The following FRRS1L variants were observed in gnomAD, a reference collection of about 807,000 sequenced individuals.
The protein encoded by FRRS1L is DOMON domain-containing protein FRRS1L.
FRRS1L carries 22 observed loss-of-function variants against 28.6 expected under a neutral mutation model. The observed-to-expected ratio is 0.77, with a 90% CI of 0.55 to 1.10. The LOEUF (loss-of-function observed/expected upper bound fraction) is 1.10, where lower values mean the gene tolerates loss of function less well. Ranked by LOEUF, FRRS1L falls within the 50% of genes least tolerant of loss-of-function variation. The pLI, the probability that FRRS1L is intolerant of heterozygous loss-of-function variation, is 0.00. For missense variants in FRRS1L, 380 were observed against 386.9 expected (o/e 0.98, Z 0.15); for synonymous variants, 158 against 151.4 (o/e 1.04, Z -0.32).
At chr9:109,138,444 G>A (rs1463400002) in intron 4 of FRRS1L, 2 of 152,166 alleles carry the variant, frequency 1.3e-5, no homozygotes, top group East Asian at 3.8e-4. Context: ...CAGTGCAAAG[G>A]TCTCCTTAGG....
chr9:109,161,586 T>C (rs1203606407), intron 1 of FRRS1L, among the ~76,000 whole-genome samples: 1 of 152,212 alleles, frequency 6.6e-6, no homozygotes, highest in Non-Finnish European at 1.5e-5. Context: ...CAATTGGGCT[T>C]TGTGGTTTCC....
intron 1 of FRRS1L, among the ~76,000 whole-genome samples, chr9:109,163,991 C>CT (rs996632629): frequency 6.6e-5 from 10 of 152,194 alleles, no homozygotes; most frequent in African/African-American, 2.4e-4. Context: ...GAAACAGGCT[C>CT]TTTTCCTTTG....
intron 1 of FRRS1L, among the ~76,000 whole-genome samples, chr9:109,164,052 C>A (rs947082774): frequency 3.3e-5 from 5 of 152,160 alleles, no homozygotes; most frequent in Admixed American, 2.0e-4. Flanking sequence ...CTCTGGCAAC[C>A]CCTCCTCAGC....
intron 1 of FRRS1L, among the ~76,000 whole-genome samples, chr9:109,155,018 C>T (rs989392900): frequency 2.6e-5 from 4 of 152,184 alleles, no homozygotes; most frequent in African/African-American, 7.2e-5. Flanking sequence ...TACCAAACTG[C>T]CTTCAGCAGA....
chr9:109,154,066 C>T (rs1184384904), intron 1 of FRRS1L, among the ~76,000 whole-genome samples: 1 of 152,212 alleles, frequency 6.6e-6, no homozygotes, highest in Non-Finnish European at 1.5e-5. Context: ...CTACTTCATC[C>T]TGGCAGTTGG....
Position 109,130,734 on chromosome 9 carries a change from A to G in FRRS1L, c.*6721T>C, listed in dbSNP as rs1359845271. ...TGGAGCCAGATTGTTCCAGCATATC[A>G]GCATGTCTGTGGAAATAAGGCATCC... On this transcript the variant is annotated 3_prime_UTR_variant, in exon 5 of 5. Transcript: ENST00000561981. 6.6e-6 allele frequency: 1 copy of G among 152,236 alleles called. No individual in the cohort carries two copies. Among genetic ancestry groups the G allele is most frequent in the African/African-American group, 2.4e-5 (1 of 41,470 alleles). 9.4% of individuals were successfully genotyped at this position (152,236 alleles called of 1,614,324 possible). A position where few individuals can be genotyped will look rare whatever the true frequency, so the allele number is the denominator to read the frequency against.
At chr9:109,140,954 C>T (rs1831176763) in intron 4 of FRRS1L, 3 of 199,250 alleles carry the variant, frequency 1.5e-5, no homozygotes, top group East Asian at 2.3e-4. Context: ...TAGCCTTGAC[C>T]AAGTTTCTTA....
At position 109,166,973 on chromosome 9, in the gene FRRS1L, C is replaced by A; in HGVS notation, c.166G>T (p.Val56Leu). 1 of 1,316,774 alleles carries A rather than the reference C, an allele frequency of 7.6e-7. No individual in the cohort carries two copies. The allele number at this position is 1,316,774 out of a possible 1,614,324, so 81.6% of individuals were successfully genotyped here. ...CCGTAGGAGGAGTCGTGGCGCGGCA[C>A]CGCCTCGTCGGCGCCCGTGTCCCCC... ...ARGDTGADEAVPRHDSSYGTF... is the reference protein window; with the variant it reads ...ARGDTGADEALPRHDSSYGTF... The change falls in exon 1 of 5, where the codon GTG (valine) becomes TTG (leucine). Residue 56 changes from valine (V) to leucine (L), a missense_variant. Val to Leu is a conservative substitution (Grantham distance 32). Transcript: ENST00000561981.
intron 3 of FRRS1L, 54 bp downstream of exon 3, chr9:109,146,997 T>G: frequency 1.3e-6 from 2 of 1,534,650 alleles, no homozygotes; most frequent in Non-Finnish European, 1.8e-6. Context: ...AAAATCAAAA[T>G]AGCACAGCCA....
At chr9:109,151,799 C>T (rs1588101043) in intron 1 of FRRS1L, 1 of 152,796 alleles carries the variant, frequency 6.5e-6, no homozygotes. Context: ...AGACTGAGTC[C>T]TGACTTGAAC....
Position 109,166,939 on chromosome 9 carries a change from G to T in FRRS1L, c.200C>A (p.Ala67Glu). 1.5e-6 allele frequency: 2 copies of T among 1,298,878 alleles called. No homozygotes were observed. The allele number at this position is 1,298,878 out of a possible 1,614,324, so 80.5% of individuals were successfully genotyped here. ...GTAGCGCAGGTCGTAGAACTCCCCC[G>T]CGAAGGTGCCGTAGGAGGAGTCGTG... is the stretch of plus-strand genomic sequence containing the variant. ...PRHDSSYGTF[A>E]GEFYDLRYLS... The change falls in exon 1 of 5, where the codon GCG (alanine) becomes GAG (glutamate). Residue 67 changes from alanine (A) to glutamate (E), a missense_variant. Physicochemically the swap from Ala to Glu is moderately radical, Grantham distance 107. Transcript: ENST00000561981.
chr9:109,145,903 T>C (rs1831253839), intron 3 of FRRS1L, among the ~76,000 whole-genome samples: 1 of 152,038 alleles, frequency 6.6e-6, no homozygotes, highest in African/African-American at 2.4e-5. Flanking sequence ...TCATAATAAA[T>C]GAGTAAAGTA....
chr9:109,164,828 C>T lies in FRRS1L; in HGVS notation c.238+2073G>A, dbSNP rs186087348. Among the ~76,000 whole-genome samples, 254 of 152,346 alleles carry T rather than the reference C, an allele frequency of 1.7e-3. 1 individual carries two copies. The highest frequency in any genetic ancestry group is 5.8e-3 in the African/African-American group (241 of 41,582). On this transcript the variant is annotated intron_variant, in intron 1 of 4. Transcript: ENST00000561981. ...GATCGGTACAAAGCCCTGCTGCCTG[C>T]TATGTGATCACCTCACCTAAATGCC...
In FRRS1L at chr9:109,166,966, C is replaced by G. The variant is rs2118522984; in HGVS notation, c.173G>C (p.Arg58Pro). The part of the protein sequence containing the change: ...GDTGADEAVP[R>P]HDSSYGTFAG... ...GAAGGTGCCGTAGGAGGAGTCGTGG[C>G]GCGGCACCGCCTCGTCGGCGCCCGT... Residue 58 changes from arginine to proline, a missense_variant, in exon 1 of 5, where the codon CGC becomes CCC. Physicochemically the swap from Arg to Pro is moderately radical, Grantham distance 103. Transcript: ENST00000561981. 1.5e-6 allele frequency: 2 copies of G among 1,333,582 alleles called. No individual in the cohort carries two copies. The highest frequency in any genetic ancestry group is 4.1e-5 in the South Asian group (2 of 48,528). The allele number at this position is 1,333,582 out of a possible 1,614,324, so 82.6% of individuals were successfully genotyped here. A position where few individuals can be genotyped will look rare whatever the true frequency, so the allele number is the denominator to read the frequency against.
At chr9:109,158,589 C>T (rs1831439205) in intron 1 of FRRS1L, among the ~76,000 whole-genome samples, 1 of 152,162 alleles carries the variant, frequency 6.6e-6, no homozygotes, top group Non-Finnish European at 1.5e-5. Context: ...AATCATACAA[C>T]ATGTGGTCTT....
In FRRS1L at chr9:109,133,679, C is replaced by T. The variant is rs1301389368; in HGVS notation, c.*3776G>A. On this transcript the variant is annotated 3_prime_UTR_variant, in exon 5 of 5. Coordinates refer to ENST00000561981, the MANE Select transcript of FRRS1L (RefSeq NM_014334.4). ...AAAATTGGATAAATAATAGAATCTA[C>T]TTCCTATGGTTGCGGTGAGGATTAA... The T allele has an allele frequency of 6.6e-6, 1 of 152,224 alleles. No homozygotes were observed. The highest frequency in any genetic ancestry group is 1.5e-5 in the Non-Finnish European group (1 of 68,042). The allele number at this position is 152,224 out of a possible 1,614,324, so 9.4% of individuals were successfully genotyped here.
intron 3 of FRRS1L, among the ~76,000 whole-genome samples, chr9:109,144,205 C>A (rs967534126): frequency 1.3e-5 from 2 of 152,116 alleles, no homozygotes; most frequent in African/African-American, 4.8e-5. Context: ...CAGTGGTACC[C>A]ATTGTCTTAC....
intron 1 of FRRS1L, among the ~76,000 whole-genome samples, chr9:109,159,255 TTTC>T (rs1831450945): frequency 6.6e-6 from 1 of 152,268 alleles, no homozygotes; most frequent in Non-Finnish European, 1.5e-5. Context: ...TATTTCTTTT[TTTC>T]TTGATTAATT....
chr9:109,159,396 C>T (rs770742258), intron 1 of FRRS1L, among the ~76,000 whole-genome samples: 8 of 152,218 alleles, frequency 5.3e-5, no homozygotes, highest in East Asian at 3.9e-4. Context: ...GTGGGCCGGG[C>T]GTGGTGGCTC....
Sources: gnomAD v4.1 joint callset for allele counts (sites outside exome capture counted in the v4.1 genomes callset) on GRCh38, gnomAD v4.1.1 for gene constraint, MANE v1.5 for transcripts, NCBI Gene and HGNC (gene_info 2026-07-23, HGNC 2026-07-21) for gene names.